The following UGT1A7 variants were observed in gnomAD, a reference collection of about 807,000 sequenced individuals.
UGT1A7 encodes the protein UDP-glucuronosyltransferase 1A7.
In UGT1A7, 33 loss-of-function variants were observed where a neutral mutation model predicts 45.6. The ratio of observed to expected loss-of-function variants is 0.72; its 90% CI spans 0.55 to 0.97. The LOEUF is 0.97. UGT1A7 is among the 50% of genes least tolerant of loss of function. The pLI, the probability that UGT1A7 is intolerant of heterozygous loss-of-function variation, is 0.00. For synonymous variants in UGT1A7, 274 were observed against 250.6 expected, an observed-to-expected ratio of 1.09 and a Z score of -0.88; for missense variants, 684 against 666.2, an observed-to-expected ratio of 1.03 and a Z score of -0.29.
intron 1 of UGT1A7, among the ~76,000 whole-genome samples, chr2:233,725,666 T>C (rs1346246922): frequency 6.6e-6 from 1 of 152,182 alleles, no homozygotes; most frequent in Non-Finnish European, 1.5e-5. Context: ...CAATTTGGAA[T>C]AGTCACATTT....
At chr2:233,761,160 T>C (rs1333134836) in intron 1 of UGT1A7, 2 of 1,614,242 alleles carry the variant, frequency 1.2e-6, no homozygotes, top group Non-Finnish European at 8.5e-7. Flanking sequence ...AGGTGTGTAT[T>C]GGAGTGGGAC....
intron 1 of UGT1A7, among the ~76,000 whole-genome samples, chr2:233,695,229 G>T (rs1218832857): frequency 6.6e-6 from 1 of 151,334 alleles, no homozygotes; most frequent in African/African-American, 2.4e-5. Context: ...GGGTTCAAGC[G>T]ATTCTCCTGC....
intron 1 of UGT1A7, chr2:233,747,857 C>A (rs1438723140): frequency 6.2e-7 from 1 of 1,613,396 alleles, no homozygotes; most frequent in Non-Finnish European, 8.5e-7. Context: ...AGAACATGCT[C>A]TACCCTCTGG....
intron 1 of UGT1A7, chr2:233,729,638 T>G (rs2077898670): frequency 6.2e-7 from 1 of 1,613,806 alleles, no homozygotes; most frequent in Admixed American, 1.7e-5. Context: ...CCTACTGTGT[T>G]TTTTTTGAGG....
Position 233,682,652 on chromosome 2 carries a change from G to A in UGT1A7, c.715G>A (p.Val239Ile). ...EIASEILQTP[V>I]TAYDLYSHTS... is the part of the protein sequence containing the mutation. ...AGCCTCTGAAATTCTCCAAACCCCT[G>A]TCACGGCATATGATCTCTACAGCCA... The change falls in exon 1 of 5, where the codon GTC becomes ATC. Residue 239 changes from valine to isoleucine, a missense_variant. Transcript: ENST00000373426. 1 of 1,613,872 alleles carries A rather than the reference G, an allele frequency of 6.2e-7. No homozygotes were observed.
chr2:233,752,178 G>A (rs941619397), intron 1 of UGT1A7, among the ~76,000 whole-genome samples: 2 of 152,178 alleles, frequency 1.3e-5, no homozygotes, highest in African/African-American at 4.8e-5. Flanking sequence ...GATGTAAGCT[G>A]AATTAAAATC....
intron 1 of UGT1A7, chr2:233,760,520 C>T (rs779218106): frequency 6.8e-6 from 11 of 1,614,230 alleles, no homozygotes; most frequent in South Asian, 5.5e-5. Context: ...ACCTTGAAGA[C>T]GTACCCTGTG....
chr2:233,693,363 GC>G, intron 1 of UGT1A7: 1 of 1,614,086 alleles, frequency 6.2e-7, no homozygotes, highest in Non-Finnish European at 8.5e-7. Context: ...ATTGTTATTG[GC>G]CTGTACTTCA....
intron 1 of UGT1A7, among the ~76,000 whole-genome samples, chr2:233,715,111 C>T (rs538311485): frequency 1.3e-5 from 2 of 152,222 alleles, no homozygotes; most frequent in East Asian, 3.9e-4. Flanking sequence ...ATCTCAAATG[C>T]CTGATCTCAA....
Position 233,729,631 on chromosome 2 carries a change from A to G in UGT1A7, c.856-37403A>G, listed in dbSNP as rs141036072. The stretch of plus-strand genomic sequence containing the variant: ...GCTGGCTAAGTACCTGTCGATTCCT[A>G]CTGTGTTTTTTTTGAGGAACATTCC... On this transcript the variant is annotated intron_variant, in intron 1 of 4. Coordinates refer to ENST00000373426, the MANE Select transcript of UGT1A7 (RefSeq NM_019077.3). 1,000 of 1,613,764 alleles carry G rather than the reference A, an allele frequency of 6.2e-4. 4 individuals are homozygous for G. The highest frequency in any genetic ancestry group is 6.0e-4 in the Non-Finnish European group (708 of 1,179,854).
intron 1 of UGT1A7, among the ~76,000 whole-genome samples, chr2:233,724,444 A>C (rs1289954419): frequency 6.8e-4 from 46 of 67,350 alleles, no homozygotes; most frequent in South Asian, 1.5e-3. Context: ...CTTCTCAGAC[A>C]GGGCAGCTGC....
Position 233,768,558 on chromosome 2 carries a change from T to C in UGT1A7, c.1295+119T>C. On this transcript the variant is annotated intron_variant, in intron 4 of 4. Transcript: ENST00000373426. ...TGTTTCAAATATAAAAACAAATACA[T>C]AAAAATCTGGATTTTTATTTCTTCT... 3.4e-6 allele frequency: 4 copies of C among 1,184,218 alleles called. No individual in the cohort carries two copies. In the South Asian group the frequency reaches 4.4e-5, roughly 13 times the overall value. The allele number at this position is 1,184,218 out of a possible 1,614,324, so 73.4% of individuals were successfully genotyped here.
At chr2:233,745,293 G>A (rs759714451) in intron 1 of UGT1A7, among the ~76,000 whole-genome samples, 20 of 151,866 alleles carry the variant, frequency 1.3e-4, no homozygotes, top group African/African-American at 4.4e-4. Flanking sequence ...GGGGATAAAC[G>A]TGGGATGCAG....
chr2:233,690,794 C>A, intron 1 of UGT1A7: 1 of 1,143,932 alleles, frequency 8.7e-7, no homozygotes, highest in Non-Finnish European at 1.1e-6. Flanking sequence ...CACACACACA[C>A]ACACACCATT....
intron 1 of UGT1A7, chr2:233,718,059 G>A (rs999688691): frequency 1.4e-5 from 5 of 357,064 alleles, no homozygotes; most frequent in East Asian, 7.4e-5. Context: ...TGAACCCACC[G>A]TGGGTCCTTG....
chr2:233,685,762 A>C (rs1323396149), intron 1 of UGT1A7, among the ~76,000 whole-genome samples: 1 of 152,156 alleles, frequency 6.6e-6, no homozygotes, highest in Non-Finnish European at 1.5e-5. Context: ...TTAAAGAAAA[A>C]TTTTGACTTT....
At chr2:233,743,935 C>T (rs761038539) in intron 1 of UGT1A7, 2 of 1,356,896 alleles carry the variant, frequency 1.5e-6, no homozygotes, top group African/African-American at 1.5e-5. Flanking sequence ...GCCAGAACGG[C>T]CCACCAGGCA....
At chr2:233,755,919 G>T (rs1439576672) in intron 1 of UGT1A7, 1 of 148,990 alleles carries the variant, frequency 6.7e-6, no homozygotes, top group Non-Finnish European at 1.5e-5. Context: ...GAGAAGAGTG[G>T]CATCGTTTTA....
chr2:233,682,266 C>A lies in UGT1A7; in HGVS notation c.329C>A (p.Thr110Lys). 6.2e-7 allele frequency: 1 copy of A among 1,614,182 alleles called. No individual in the cohort carries two copies. The highest frequency in any genetic ancestry group is 8.5e-7 in the Non-Finnish European group (1 of 1,180,026). ...TTGCGAAGTGCATTTTCTCTATTAA[C>A]AAGTTCATCCAATGGTATTTTTGAC... ...APLRSAFSLLTSSSNGIFDLF... is the reference protein window; with the variant it reads ...APLRSAFSLLKSSSNGIFDLF... Residue 110 changes from threonine (T) to lysine (K), a missense_variant, in exon 1 of 5, where the codon ACA (threonine) becomes AAA (lysine). Physicochemically the swap from Thr to Lys is moderately conservative, Grantham distance 78 (BLOSUM62 -1). Coordinates refer to ENST00000373426, the MANE Select transcript of UGT1A7 (RefSeq NM_019077.3).
Sources: allele counts gnomAD v4.1 joint callset (sites outside exome capture counted in the v4.1 genomes callset), GRCh38; gene constraint gnomAD v4.1.1; transcripts MANE v1.5; gene names NCBI Gene and HGNC (gene_info 2026-07-23, HGNC 2026-07-21).